BRD2: variants seen among roughly 807,000 people sequenced by gnomAD.
The protein encoded by BRD2 is bromodomain containing 2, also known as bromodomain-containing protein 2.
Under a neutral mutation model 79.1 loss-of-function variants are expected in BRD2, and 15 were observed. The observed-to-expected ratio is 0.19, with a 90% CI of 0.13 to 0.29. The LOEUF (loss-of-function observed/expected upper bound fraction) is 0.29. BRD2 is among the 10% of genes least tolerant of loss of function. The probability of loss-of-function intolerance (pLI) is 1.00; values close to 1 mark genes in which losing one functional copy is unlikely to be tolerated. For synonymous variants in BRD2, 488 were observed against 358.6 expected (o/e 1.36, Z -4.08); for missense variants, 1,053 against 991.3 (o/e 1.06, Z -0.84).
At position 32,980,873 on chromosome 6, in the gene BRD2, C is replaced by T; in HGVS notation, c.*155C>T. 1 of 863,740 alleles carries T rather than the reference C, an allele frequency of 1.2e-6. No individual in the cohort carries two copies. Among genetic ancestry groups the T allele is most frequent in the South Asian group, 1.7e-5 (1 of 59,074 alleles). 53.5% of individuals were successfully genotyped at this position (863,740 alleles called of 1,614,324 possible). On this transcript the variant is annotated 3_prime_UTR_variant, in exon 13 of 13. Coordinates refer to ENST00000374825, the MANE Select transcript of BRD2 (RefSeq NM_005104.4). ...CTGGCTCTGCAGTGGGGGAGGGATG[C>T]AGGGACATTTACTGAAGGAGGGACA...
At position 32,977,771 on chromosome 6, in the gene BRD2, C is replaced by T. The variant is rs982735795; in HGVS notation, c.1344C>T (p.Phe448=). 6 of 1,612,926 alleles carry T rather than the reference C, an allele frequency of 3.7e-6. No individual in the cohort carries two copies. In the African/African-American group the frequency reaches 8.0e-5, roughly 22 times the overall value. Reference sequence around the variant, plus strand: ...CCTCTTTGTAGGATGTATTTGAGTTCCGTTATGCCAAGATGCCAGATGAAC... The same window carrying T: ...CCTCTTTGTAGGATGTATTTGAGTTTCGTTATGCCAAGATGCCAGATGAAC... ...MARKLQDVFE[F]RYAKMPDEPL... The change falls in exon 9 of 13, where the codon TTC becomes TTT. Residue 448 remains phenylalanine, a synonymous_variant. Coordinates refer to ENST00000374825, the MANE Select transcript of BRD2 (RefSeq NM_005104.4).
chr6:32,977,720 T>C, intron 8 of BRD2, 37 bp from the exon 9 acceptor site: 1 of 1,611,872 alleles, frequency 6.2e-7, no homozygotes, highest in Non-Finnish European at 8.5e-7. Context: ...TAGGGCACTG[T>C]TTATCAGCAT....
In BRD2 at chr6:32,974,578, C is replaced by CTT. The variant is rs1315988398; in HGVS notation, c.147_148dup (p.Ser50PhefsTer37). The CTT allele has an allele frequency of 6.2e-7, 1 of 1,614,120 alleles. No individual in the cohort carries two copies. On this transcript the variant is annotated frameshift_variant, in exon 3 of 13. Coordinates refer to ENST00000374825, the MANE Select transcript of BRD2 (RefSeq NM_005104.4). LOFTEE classifies it high-confidence loss of function. ...GAGGGCTTTGAGAGCCCCACAATGG[C>CTT]TTCGGTGCCTGCTTTGCAACTTACC...
chr6:32,977,411 G>A (rs371036096), intron 7 of BRD2, 31 bp from the exon 8 acceptor site: 1 of 1,613,580 alleles, frequency 6.2e-7, no homozygotes, highest in East Asian at 2.2e-5. Flanking sequence ...CTTCCTGCCT[G>A]TGCAGCTTCT....
At position 32,973,411 on chromosome 6, in the gene BRD2, G is replaced by A. The variant is rs540681808; in HGVS notation, c.29+484G>A. Among the ~76,000 whole-genome samples, 3 of 152,260 alleles carry A rather than the reference G, an allele frequency of 2.0e-5. No homozygotes were observed. In the South Asian group the frequency reaches 6.2e-4, roughly 32 times the overall value. ...CGTGTGTGCAGGTTCCTAATGCCCAGGGTATGTCATTAAATCTTTTGCTTT... is the reference window on the plus strand; with the variant it reads ...CGTGTGTGCAGGTTCCTAATGCCCAAGGTATGTCATTAAATCTTTTGCTTT... On this transcript the variant is annotated intron_variant, in intron 2 of 12. Coordinates refer to ENST00000374825, the MANE Select transcript of BRD2 (RefSeq NM_005104.4).
At chr6:32,974,029 T>G (rs1487947675) in intron 2 of BRD2, among the ~76,000 whole-genome samples, 1 of 152,168 alleles carries the variant, frequency 6.6e-6, no homozygotes, top group Non-Finnish European at 1.5e-5. Context: ...CCATAATTTG[T>G]TCTTTTCCTC....
Position 32,975,215 on chromosome 6 carries a change from T to C in BRD2, c.334-169T>C, listed in dbSNP as rs1161866486. On this transcript the variant is annotated intron_variant, in intron 3 of 12. Coordinates refer to ENST00000374825, the MANE Select transcript of BRD2 (RefSeq NM_005104.4). ...GGATGTCAAGAATCTTTTTTATTTA[T>C]TTATTTATTTTGTCCCACAGTTTAA... 6.4e-6 allele frequency: 8 copies of C among 1,247,324 alleles called. No individual in the cohort carries two copies. The African/African-American group carries it at 1.2e-4, about 19-fold the overall frequency. 77.3% of individuals were successfully genotyped at this position (1,247,324 alleles called of 1,614,324 possible).
intron 2 of BRD2, 105 bp downstream of exon 2, chr6:32,973,032 T>C: frequency 2.5e-6 from 4 of 1,611,696 alleles, no homozygotes; most frequent in East Asian, 2.2e-5. Context: ...CGCGCTGCTG[T>C]TGCGGCGCAG....
chr6:32,971,612 C>T lies in BRD2; in HGVS notation c.-1287C>T, dbSNP rs1777987614. The T allele has an allele frequency of 2.2e-6, 1 of 456,034 alleles. No homozygotes were observed. 28.2% of individuals were successfully genotyped at this position (456,034 alleles called of 1,614,324 possible). A position where few individuals can be genotyped will look rare whatever the true frequency, so the allele number is the denominator to read the frequency against. ...CGTTTCAGATTCTTCGCTGCTGCTG[C>T]CTTACCGCCGAGAACCACCACCCGC... On this transcript the variant is annotated 5_prime_UTR_variant, in exon 2 of 13. Transcript: ENST00000374825.
rs772955887 is a variant in BRD2 at position 32,976,328 on chromosome 6, C to T, written c.689C>T (p.Pro230Leu). 4 of 1,612,962 alleles carry T rather than the reference C, an allele frequency of 2.5e-6. No individual in the cohort carries two copies. In the African/African-American group the frequency reaches 5.3e-5, roughly 22 times the overall value. ...SVSHTALYTP[P>L]PEIPTTVLNI... ...TCACACACAGCCCTGTATACTCCTC[C>T]ACCTGAGATACCTACCACTGTCCTC... Residue 230 changes from proline to leucine, a missense_variant, in exon 6 of 13, where the codon CCA becomes CTA. Around this residue, in one of 5 missense-constraint regions of BRD2, gnomAD observed 413 missense variants for 335.1 expected, o/e 1.23. Coordinates refer to ENST00000374825, the MANE Select transcript of BRD2 (RefSeq NM_005104.4).
intron 4 of BRD2, among the ~76,000 whole-genome samples, 184 bp downstream of exon 4, chr6:32,975,705 G>A (rs1481931767): frequency 6.6e-6 from 1 of 152,236 alleles, no homozygotes; most frequent in Non-Finnish European, 1.5e-5. Flanking sequence ...TGACTTCAGA[G>A]CTCTAGTTGA....
chr6:32,972,858 C>T lies in BRD2; in HGVS notation c.-41C>T, dbSNP rs1185489112. ...GTGAGGGGAACCGAGGCCACCCGGA[C>T]TTTCCGCGGCTGAGGGCAGCGCCGG... On this transcript the variant is annotated 5_prime_UTR_variant, in exon 2 of 13. Transcript: ENST00000374825. The T allele has an allele frequency of 4.3e-6, 7 of 1,613,900 alleles. No homozygotes were observed. The highest frequency in any genetic ancestry group is 5.9e-6 in the Non-Finnish European group (7 of 1,179,982).
intron 2 of BRD2, chr6:32,973,165 C>T (rs558309791): frequency 1.1e-4 from 167 of 1,542,940 alleles, no homozygotes; most frequent in Middle Eastern, 1.0e-3. Context: ...CCGCCGTGGC[C>T]CAGTCTTAAC....
chr6:32,970,896 A>G (rs1444919558), intron 1 of BRD2: 2 of 148,506 alleles, frequency 1.3e-5, no homozygotes, highest in Non-Finnish European at 3.0e-5. Context: ...GAGGAGGGGG[A>G]GGGCTAGTCT....
Position 32,976,763 on chromosome 6 carries a change from A to G in BRD2, c.1027A>G (p.Lys343Glu), listed in dbSNP as rs750872583. The change falls in exon 7 of 13, where the codon AAA (lysine) becomes GAA (glutamate). Residue 343 changes from lysine to glutamate, a missense_variant. Transcript: ENST00000374825. Reference sequence around the variant, plus strand: ...TCAGCAACAACACCAGAGCTCTAAGAAAGGAAAGCTTTCAGAACAGTTAAA... The same window carrying G: ...TCAGCAACAACACCAGAGCTCTAAGGAAGGAAAGCTTTCAGAACAGTTAAA... ...DSQQQHQSSK[K>E]GKLSEQLKHC... is the part of the protein sequence containing the mutation. The G allele has an allele frequency of 1.9e-6, 3 of 1,613,168 alleles. No homozygotes were observed. Among genetic ancestry groups the G allele is most frequent in the African/African-American group, 1.3e-5 (1 of 74,920 alleles).
Position 32,976,921 on chromosome 6 carries a change from C to T in BRD2, c.1185C>T (p.Asp395=). ...ATGACATCATTAAGCACCCCATGGA[C>T]CTCAGCACTGTCAAGGTACCCACTG... The part of the protein sequence containing the change: ...DYHDIIKHPM[D]LSTVKRKMEN... The change falls in exon 7 of 13, where the codon GAC becomes GAT. Residue 395 remains aspartate, a synonymous_variant. Transcript: ENST00000374825. 6.2e-7 allele frequency: 1 copy of T among 1,610,846 alleles called. No individual in the cohort carries two copies. The highest frequency in any genetic ancestry group is 8.5e-7 in the Non-Finnish European group (1 of 1,178,536).
rs146092849 is a variant in BRD2 at position 32,976,678 on chromosome 6, C to T, written c.942C>T (p.Pro314=). Residue 314 remains proline (P), a synonymous_variant, in exon 7 of 13, where the codon CCC becomes CCT. Transcript: ENST00000374825. ...GSLEPKAARL[P]PMRRESGRPI... ...TTGAGCCTAAGGCAGCACGGCTTCC[C>T]CCTATGCGTAGAGAGAGTGGTCGCC... The T allele has an allele frequency of 3.7e-6, 6 of 1,613,024 alleles. No individual in the cohort carries two copies. The highest frequency in any genetic ancestry group is 1.1e-5 in the South Asian group (1 of 91,094).
rs201133050 is a variant in BRD2 at position 32,971,778 on chromosome 6, A to C, written c.-1121A>C. On this transcript the variant is annotated 5_prime_UTR_variant, in exon 2 of 13. The change abolishes an upstream ATG in the 5' untranslated region. Coordinates refer to ENST00000374825, the MANE Select transcript of BRD2 (RefSeq NM_005104.4). The stretch of plus-strand genomic sequence containing the variant: ...TTGGCAGTCTCCAGTTGGGCTGTGC[A>C]TGGAAGCTTGGGAAGACTTTGTTGG... 1 of 625,130 alleles carries C rather than the reference A, an allele frequency of 1.6e-6. No homozygotes were observed. Among genetic ancestry groups the C allele is most frequent in the Non-Finnish European group, 2.9e-6 (1 of 349,838 alleles). The allele number at this position is 625,130 out of a possible 1,614,324, so 38.7% of individuals were successfully genotyped here.
At chr6:32,979,038 TTG>T (rs2127524219) in intron 10 of BRD2, 1 of 107,648 alleles carries the variant, frequency 9.3e-6, no homozygotes, top group South Asian at 2.8e-4. Flanking sequence ...TGGTGTGGTT[TTG>T]TGTTTTGTTT....
Sources: gnomAD v4.1 joint callset for allele counts (sites outside exome capture counted in the v4.1 genomes callset) on GRCh38, gnomAD v4.1.1 for gene constraint, gnomAD v4.1.1 regional missense constraint, MANE v1.5 for transcripts, NCBI Gene and HGNC (gene_info 2026-07-23, HGNC 2026-07-21) for gene names.